Variants in PMS1 observed in about 807,000 individuals in gnomAD.
PMS1 encodes the protein PMS1 homolog 1, mismatch repair system component, also known as PMS1 protein homolog 1.
PMS1 carries 79 observed loss-of-function variants against 93.1 expected under a neutral mutation model. That is an observed-to-expected ratio of 0.85 (90% CI 0.71 to 1.02). PMS1 has a LOEUF of 1.02. PMS1 is among the 50% of genes least tolerant of loss of function. The pLI is 0.00. For synonymous variants in PMS1, 335 were observed against 363.4 expected (o/e 0.92, Z 0.89); for missense variants, 1,064 against 1,085.3 (o/e 0.98, Z 0.28).
chr2:189,784,635 G>A (rs2048091098), intron 1 of PMS1, 42 bp downstream of exon 1: 1 of 152,542 alleles, frequency 6.6e-6, no homozygotes, highest in Non-Finnish European at 1.5e-5. Context: ...TATCCTCGAT[G>A]GCTCGAGGGC....
At chr2:189,832,487 A>G (rs1443386652) in intron 5 of PMS1, among the ~76,000 whole-genome samples, 1 of 151,938 alleles carries the variant, frequency 6.6e-6, no homozygotes, top group Non-Finnish European at 1.5e-5. Flanking sequence ...TTTTATTGAG[A>G]TGGAGTCTCA....
chr2:189,809,524 T>C (rs1396452517), intron 4 of PMS1, among the ~76,000 whole-genome samples: 1 of 146,262 alleles, frequency 6.8e-6, no homozygotes, highest in East Asian at 2.0e-4. Context: ...TTTCCATAAG[T>C]ATGTTTTATT....
intron 9 of PMS1, among the ~76,000 whole-genome samples, chr2:189,863,357 A>G (rs186887787): frequency 1.6e-3 from 244 of 150,592 alleles, no homozygotes; most frequent in African/African-American, 5.9e-3. Flanking sequence ...GGGTTCAAGC[A>G]ATTCTCATGC....
Position 189,854,568 on chromosome 2 carries a change from T to C in PMS1, c.1296T>C (p.Thr432=). ...SSEISNIDKN[T]KNAFQDISMS... ...AAATTTCTAACATTGATAAAAACAC[T>C]AAGAATGCATTTCAGGACATTTCAA... The change falls in exon 9 of 13, where the codon ACT becomes ACC. Residue 432 remains threonine (T), a synonymous_variant. Transcript: ENST00000441310. The C allele has an allele frequency of 6.2e-7, 1 of 1,613,308 alleles. No homozygotes were observed.
chr2:189,868,355 G>T (rs1437168053), intron 11 of PMS1, among the ~76,000 whole-genome samples: 2 of 152,138 alleles, frequency 1.3e-5, no homozygotes, highest in Non-Finnish European at 2.9e-5. Flanking sequence ...ATCAGCAGTT[G>T]TACTATATGG....
At chr2:189,842,305 C>T (rs576138846) in intron 5 of PMS1, among the ~76,000 whole-genome samples, 2 of 152,108 alleles carry the variant, frequency 1.3e-5, no homozygotes, top group Non-Finnish European at 2.9e-5. Flanking sequence ...CTTATAGGTT[C>T]CTTTTCTTCT....
At chr2:189,829,915 T>G (rs746700183) in intron 5 of PMS1, among the ~76,000 whole-genome samples, 11 of 152,218 alleles carry the variant, frequency 7.2e-5, no homozygotes, top group Non-Finnish European at 1.6e-4. Context: ...AGTATCCTAA[T>G]GGACTCTCCC....
chr2:189,842,097 C>T (rs1156468830), intron 5 of PMS1, among the ~76,000 whole-genome samples: 1 of 151,564 alleles, frequency 6.6e-6, no homozygotes, highest in Non-Finnish European at 1.5e-5. Flanking sequence ...TTTATATCCT[C>T]CCCATAGTCA....
chr2:189,854,901 A>G lies in PMS1; in HGVS notation c.1629A>G (p.Glu543=). The G allele has an allele frequency of 6.2e-7, 1 of 1,604,088 alleles. No individual in the cohort carries two copies. Among genetic ancestry groups the G allele is most frequent in the South Asian group, 1.1e-5 (1 of 90,404 alleles). ...TCCCTGAACAAATGAATCTTAATGA[A>G]GATTCATGTAACAAAAAATCAAATG... is the stretch of plus-strand genomic sequence containing the variant. ...YPIPEQMNLN[E]DSCNKKSNVI... is the part of the protein sequence containing the mutation. The change falls in exon 9 of 13, where the codon GAA becomes GAG. Residue 543 remains glutamate, a synonymous_variant. Transcript: ENST00000441310.
rs2054893194 is a variant in PMS1, at chr2:189,852,863, A to G, written c.822+86A>G. The G allele has an allele frequency of 4.7e-6, 4 of 851,178 alleles. No homozygotes were observed. The African/African-American group carries it at 5.2e-5, about 11-fold the overall frequency. The allele number at this position is 851,178 out of a possible 1,614,324, so 52.7% of individuals were successfully genotyped here. A position where few individuals can be genotyped will look rare whatever the true frequency, so the allele number is the denominator to read the frequency against. On this transcript the variant is annotated intron_variant, in intron 7 of 12. Transcript: ENST00000441310. ...ACTGCTTCCAAGAATTTGCTCTAAA[A>G]TAAAAAAAAAGAAATACAATGTCAT...
Position 189,818,140 on chromosome 2 carries a change from T to C in PMS1, c.542T>C (p.Ile181Thr), listed in dbSNP as rs2051489924. 1 of 1,608,184 alleles carries C rather than the reference T, an allele frequency of 6.2e-7. No homozygotes were observed. Among genetic ancestry groups the C allele is most frequent in the African/African-American group, 1.3e-5 (1 of 74,788 alleles). ...CAAGATCTCCTCATGAGCTTTGGTA[T>C]CCTTAAACCTGACTTAAGGATTGTC... The part of the protein sequence containing the change: ...KIQDLLMSFG[I>T]LKPDLRIVFV... Residue 181 changes from isoleucine (I) to threonine (T), a missense_variant, in exon 5 of 13, where the codon ATC becomes ACC. Physicochemically the swap from Ile to Thr is moderately conservative, Grantham distance 89 (BLOSUM62 -1). Coordinates refer to ENST00000441310, the MANE Select transcript of PMS1 (RefSeq NM_000534.5).
Position 189,854,947 on chromosome 2 carries a change from A to G in PMS1, c.1675A>G (p.Lys559Glu). The change falls in exon 9 of 13, where the codon AAA becomes GAA. Residue 559 changes from lysine to glutamate, a missense_variant. Lys to Glu is a moderately conservative substitution (Grantham distance 56). Coordinates refer to ENST00000441310, the MANE Select transcript of PMS1 (RefSeq NM_000534.5). ...AAATGTAATAGATAATAAATCTGGA[A>G]AAGTTACAGCTTATGATTTACTTAG... ...KSNVIDNKSG[K>E]VTAYDLLSNR... 1.9e-6 allele frequency: 3 copies of G among 1,611,160 alleles called. No homozygotes were observed. The highest frequency in any genetic ancestry group is 2.5e-6 in the Non-Finnish European group (3 of 1,177,888).
chr2:189,841,242 G>C (rs1233254), intron 5 of PMS1, among the ~76,000 whole-genome samples: 2,704 of 152,212 alleles, frequency 0.018, 79 homozygotes, highest in African/African-American at 0.061. Flanking sequence ...TGAAATGATT[G>C]TGAAAATAAA....
At chr2:189,870,782 A>C (rs747533260) in intron 11 of PMS1, among the ~76,000 whole-genome samples, 79 of 152,212 alleles carry the variant, frequency 5.2e-4, no homozygotes, top group Non-Finnish European at 8.5e-4. Flanking sequence ...TAGTTAAAAG[A>C]GATGTGAACT....
At chr2:189,852,799 A>C in intron 7 of PMS1, 22 bp downstream of exon 7, 1 of 1,491,742 alleles carries the variant, frequency 6.7e-7, no homozygotes, top group African/African-American at 1.4e-5. Context: ...TAGAAAAAAA[A>C]AATTATTTGA....
chr2:189,814,838 C>T (rs997104675), intron 4 of PMS1, among the ~76,000 whole-genome samples: 2 of 152,160 alleles, frequency 1.3e-5, no homozygotes, highest in Non-Finnish European at 1.5e-5. Context: ...TGGCTGACGC[C>T]TGTAATCCCA....
chr2:189,808,528 G>A (rs1266465746), intron 4 of PMS1, among the ~76,000 whole-genome samples: 2 of 151,848 alleles, frequency 1.3e-5, no homozygotes, highest in Non-Finnish European at 2.9e-5. Context: ...ACAGGGTTTT[G>A]CCGTGTTGGC....
At chr2:189,837,626 T>G (rs2053497537) in intron 5 of PMS1, among the ~76,000 whole-genome samples, 1 of 152,210 alleles carries the variant, frequency 6.6e-6, no homozygotes. Context: ...AAGATTACAG[T>G]CTGGCAGTTC....
At chr2:189,813,336 AG>A (rs907174352) in intron 4 of PMS1, among the ~76,000 whole-genome samples, 3 of 152,186 alleles carry the variant, frequency 2.0e-5, no homozygotes, top group Non-Finnish European at 4.4e-5. Context: ...ATATACCTTG[AG>A]GATAGCCAGG....
Sources: gnomAD v4.1 joint callset for allele counts (sites outside exome capture counted in the v4.1 genomes callset) on GRCh38, gnomAD v4.1.1 for gene constraint, MANE v1.5 for transcripts, NCBI Gene and HGNC (gene_info 2026-07-23, HGNC 2026-07-21) for gene names.